The following C13orf46 variants were observed in gnomAD, a reference collection of about 807,000 sequenced individuals.
C13orf46 encodes chromosome 13 open reading frame 46.
At chr13:113,951,060 G>A (rs933330176), downstream of C13orf46, among the ~76,000 whole-genome samples, 1,707 of 152,354 alleles carry the variant, frequency 0.011, 16 homozygotes, top group Middle Eastern at 0.061. Flanking sequence ...GTTTCCCATG[G>A]GGGCTCTCTA....
chr13:113,957,863 C>CCG (rs2138978927), intron 6 of C13orf46, among the ~76,000 whole-genome samples: 1 of 143,106 alleles, frequency 7.0e-6, no homozygotes, highest in South Asian at 2.3e-4. Context: ...ATCAAGCGCA[C>CCG]TGGGGGTCTC....
chr13:113,943,589 G>A, the C13orf46 span, among the ~76,000 whole-genome samples: 1 of 152,210 alleles, frequency 6.6e-6, no homozygotes, highest in African/African-American at 2.4e-5. Flanking sequence ...CGTTAATGCT[G>A]GAAAGGTAGA....
the C13orf46 span, among the ~76,000 whole-genome samples, chr13:113,939,334 T>C: frequency 1.3e-5 from 2 of 149,840 alleles, no homozygotes; most frequent in African/African-American, 2.5e-5. Flanking sequence ...GACCACCCGA[T>C]GGGGAGGACA....
At chr13:113,966,910 T>C (rs1318355863) in intron 5 of C13orf46, among the ~76,000 whole-genome samples, 1 of 152,094 alleles carries the variant, frequency 6.6e-6, no homozygotes, top group Non-Finnish European at 1.5e-5. Context: ...TCCTACTTTA[T>C]AGAGGAGACA....
downstream of C13orf46, among the ~76,000 whole-genome samples, chr13:113,950,493 G>T (rs2052484639): frequency 6.6e-6 from 1 of 152,242 alleles, no homozygotes; most frequent in Non-Finnish European, 1.5e-5. Context: ...GTAGAGTGGG[G>T]TCATCACCCC....
chr13:113,934,029 G>A, the C13orf46 span, among the ~76,000 whole-genome samples: 9 of 152,244 alleles, frequency 5.9e-5, no homozygotes, highest in South Asian at 1.2e-3. Context: ...ATGCATGACC[G>A]TCCATCCCCA....
chr13:113,949,989 A>G (rs1342878478), downstream of C13orf46, among the ~76,000 whole-genome samples: 24 of 146,204 alleles, frequency 1.6e-4, no homozygotes, highest in African/African-American at 4.4e-4. Context: ...TTCCATCTGT[A>G]GAGTGGGGTC....
At position 113,955,308 on chromosome 13, in the gene C13orf46, G is replaced by GAGA. The variant is rs1247019232; in HGVS notation, c.*1462_*1464dup. ...TGGCGGAGAGGAGTAGTATCTGGCA[G>GAGA]AGAGGAGTAGTATCTGGTGGAGAGG... On this transcript the variant is annotated 3_prime_UTR_variant, in exon 7 of 7. Transcript: ENST00000636427. 2 of 152,088 alleles carry GAGA rather than the reference G, an allele frequency of 1.3e-5. No homozygotes were observed. The highest frequency in any genetic ancestry group is 5.4e-4 in the East Asian group (2 of 3,736). 9.4% of individuals were successfully genotyped at this position (152,088 alleles called of 1,614,324 possible).
the C13orf46 span, chr13:113,926,920 C>T: frequency 6.6e-6 from 1 of 152,406 alleles, no homozygotes; most frequent in Non-Finnish European, 1.5e-5. Context: ...ACATCCTTCT[C>T]CAGCTTTGTC....
At chr13:113,944,487 C>A in the C13orf46 span, among the ~76,000 whole-genome samples, 12 of 152,194 alleles carry the variant, frequency 7.9e-5, no homozygotes, top group African/African-American at 2.4e-4. Flanking sequence ...GTTCCCCTTG[C>A]GGCCCTGTAG....
In C13orf46 at chr13:113,954,946, TCTGGCGGAGAC is replaced by T. The variant is rs2052510158; in HGVS notation, c.*1816_*1826del. On this transcript the variant is annotated 3_prime_UTR_variant, in exon 7 of 7. Coordinates refer to ENST00000636427, the MANE Select transcript of C13orf46 (RefSeq NM_001365455.2). ...CATCTGGCGGAGACGAGGAGGAGGA[TCTGGCGGAGAC>T]GAGGAGGAGGATCTGGCGGAGACGA... is the stretch of plus-strand genomic sequence containing the variant. The T allele has an allele frequency of 7.5e-6, 1 of 132,838 alleles. No homozygotes were observed. The highest frequency in any genetic ancestry group is 2.4e-4 in the East Asian group (1 of 4,088). The allele number at this position is 132,838 out of a possible 1,614,324, so 8.2% of individuals were successfully genotyped here. A position where few individuals can be genotyped will look rare whatever the true frequency, so the allele number is the denominator to read the frequency against.
downstream of C13orf46, among the ~76,000 whole-genome samples, chr13:113,952,544 G>C (rs1489856977): frequency 2.6e-5 from 4 of 152,232 alleles, no homozygotes; most frequent in African/African-American, 9.6e-5. Flanking sequence ...ATCTGCACAG[G>C]TCAGGGGCCA....
At chr13:113,950,397 A>G (rs1380596024), downstream of C13orf46, among the ~76,000 whole-genome samples, 2 of 131,456 alleles carry the variant, frequency 1.5e-5, no homozygotes, top group Admixed American at 7.4e-5. Flanking sequence ...GAATATGGTC[A>G]TCACCCCCAC....
At chr13:113,965,664 GATT>G (rs1299151253) in intron 5 of C13orf46, among the ~76,000 whole-genome samples, 1 of 149,132 alleles carries the variant, frequency 6.7e-6, no homozygotes, top group Non-Finnish European at 1.5e-5. Flanking sequence ...TGATGATGGT[GATT>G]ATAATGGTGA....
At chr13:113,941,638 G>T in the C13orf46 span, among the ~76,000 whole-genome samples, 1 of 152,230 alleles carries the variant, frequency 6.6e-6, no homozygotes, top group Non-Finnish European at 1.5e-5. Context: ...CGTTTCCCAG[G>T]CTGGGCTGCT....
At chr13:113,957,054 T>C (rs1023121688) in intron 6 of C13orf46, among the ~76,000 whole-genome samples, 29 of 136,862 alleles carry the variant, frequency 2.1e-4, no homozygotes, top group Admixed American at 2.9e-4. Context: ...GTCTCCCCTG[T>C]ACCTGCATAT....
intron 5 of C13orf46, among the ~76,000 whole-genome samples, chr13:113,965,535 G>A (rs1199369752): frequency 6.6e-6 from 1 of 152,154 alleles, no homozygotes; most frequent in Non-Finnish European, 1.5e-5. Context: ...TGATGATTAT[G>A]GTGGTGATAA....
At chr13:113,972,772 C>A (rs927360691) in intron 1 of C13orf46, among the ~76,000 whole-genome samples, 1 of 152,216 alleles carries the variant, frequency 6.6e-6, no homozygotes, top group Non-Finnish European at 1.5e-5. Flanking sequence ...GGGACCCAGG[C>A]CCTCACCAGG....
the C13orf46 span, among the ~76,000 whole-genome samples, chr13:113,946,925 C>T: frequency 1.3e-5 from 2 of 152,254 alleles, no homozygotes; most frequent in Non-Finnish European, 2.9e-5. Context: ...GAAGGCCTGG[C>T]ACCCTTGGGG....
Sources: gnomAD v4.1 joint callset for allele counts (sites outside exome capture counted in the v4.1 genomes callset) on GRCh38, gnomAD v4.1.1 for gene constraint, MANE v1.5 for transcripts, NCBI Gene and HGNC (gene_info 2026-07-23, HGNC 2026-07-21) for gene names.